Variants in CPM observed in about 807,000 individuals in gnomAD.
The protein encoded by CPM is carboxypeptidase M, also known as renal carboxypeptidase.
In CPM, 35 loss-of-function variants were observed where a neutral mutation model predicts 46.4. That is an observed-to-expected ratio of 0.75 (90% CI 0.58 to 1.00). The LOEUF is 1.00. Among genes scored for constraint, CPM ranks in the 50% least tolerant of loss-of-function variants. The pLI, the probability that CPM is intolerant of heterozygous loss-of-function variation, is 0.00. For synonymous variants in CPM, 195 were observed against 195.3 expected, an observed-to-expected ratio of 1.00 and a Z score of 0.01; for missense variants, 422 against 530.4, an observed-to-expected ratio of 0.80 and a Z score of 2.01.
In CPM at chr12:68,851,807, T is replaced by C. The variant is rs1884700691; in HGVS notation, c.*4630A>G. On this transcript the variant is annotated 3_prime_UTR_variant, in exon 9 of 9. Coordinates refer to ENST00000551568, the MANE Select transcript of CPM (RefSeq NM_198320.5). ...CAAACTTCTACTTTAGCTACAGTAC[T>C]GTGGACTTTCAATGCTCTTTAACTA... 1 of 152,222 alleles carries C rather than the reference T, an allele frequency of 6.6e-6. No individual in the cohort carries two copies. Among genetic ancestry groups the C allele is most frequent in the South Asian group, 2.1e-4 (1 of 4,830 alleles). The allele number at this position is 152,222 out of a possible 1,614,324, so 9.4% of individuals were successfully genotyped here.
intron 5 of CPM, 151 bp downstream of exon 5, chr12:68,870,064 G>A: frequency 1.4e-6 from 1 of 733,330 alleles, no homozygotes; most frequent in Admixed American, 3.3e-5. Flanking sequence ...AAGAATCACA[G>A]GAAGGATGGC....
At chr12:68,951,261 A>G (rs527561541) in intron 1 of CPM, among the ~76,000 whole-genome samples, 2 of 152,364 alleles carry the variant, frequency 1.3e-5, no homozygotes, top group African/African-American at 4.8e-5. Flanking sequence ...CTCAAACTTC[A>G]ACAGCATTCA....
intron 2 of CPM, among the ~76,000 whole-genome samples, chr12:68,902,396 G>A (rs140775903): frequency 6.6e-6 from 1 of 152,298 alleles, no homozygotes; most frequent in East Asian, 1.9e-4. Flanking sequence ...GATTTCTTCA[G>A]CTTATCAAAG....
intron 1 of CPM, among the ~76,000 whole-genome samples, chr12:68,946,978 T>G (rs1888858384): frequency 6.6e-6 from 1 of 152,208 alleles, no homozygotes; most frequent in South Asian, 2.1e-4. Context: ...ATTATTTTGG[T>G]CTTCTGTTTG....
At chr12:68,950,063 C>T (rs922806652) in intron 1 of CPM, among the ~76,000 whole-genome samples, 3 of 152,104 alleles carry the variant, frequency 2.0e-5, no homozygotes. Flanking sequence ...TTCACGTGCT[C>T]ATGCCTGGAG....
At chr12:68,896,523 G>A (rs1886882615) in intron 2 of CPM, among the ~76,000 whole-genome samples, 3 of 152,176 alleles carry the variant, frequency 2.0e-5, no homozygotes, top group African/African-American at 7.2e-5. Context: ...CTTGGAGTCC[G>A]AGTCACCTTT....
Position 68,884,527 on chromosome 12 carries a change from C to T in CPM, c.258+1265G>A, listed in dbSNP as rs186763826. 1.6e-4 allele frequency among the ~76,000 whole-genome samples: 25 copies of T among 152,276 alleles called. No individual in the cohort carries two copies. In the East Asian group the frequency reaches 4.8e-3, roughly 29 times the overall value. ...GCTTAAGCCAGAACAGGAAGCTCAG[C>T]ACTGATTAGAGCATGCCACCCATAC... On this transcript the variant is annotated intron_variant, in intron 3 of 8. Coordinates refer to ENST00000551568, the MANE Select transcript of CPM (RefSeq NM_198320.5).
intron 3 of CPM, among the ~76,000 whole-genome samples, chr12:68,880,681 G>A (rs1034685324): frequency 6.6e-6 from 1 of 152,204 alleles, no homozygotes; most frequent in African/African-American, 2.4e-5. Context: ...CACAGCTGGT[G>A]ACCAAGCATA....
chr12:68,871,593 C>T, intron 4 of CPM, 191 bp downstream of exon 4: 2 of 613,314 alleles, frequency 3.3e-6, no homozygotes, highest in African/African-American at 1.8e-5. Context: ...GGCAAAGTAG[C>T]CTTATTTGCA....
intron 1 of CPM, among the ~76,000 whole-genome samples, chr12:68,942,629 C>T (rs149757295): frequency 4.6e-5 from 7 of 152,288 alleles, no homozygotes; most frequent in African/African-American, 1.7e-4. Flanking sequence ...CGACTGTAAA[C>T]AAGACAGAAC....
At chr12:68,869,580 G>T in intron 5 of CPM, 85 bp from the exon 6 acceptor site, 1 of 1,203,036 alleles carries the variant, frequency 8.3e-7, no homozygotes, top group Non-Finnish European at 1.2e-6. Context: ...AGACATAATC[G>T]CATCACACAC....
At chr12:68,850,984 T>C (rs1484906858), downstream of CPM, among the ~76,000 whole-genome samples, 3 of 152,054 alleles carry the variant, frequency 2.0e-5, no homozygotes, top group Non-Finnish European at 2.9e-5. Flanking sequence ...ATATAACATA[T>C]AGCATATGTA....
At chr12:68,947,375 T>C (rs1302346885) in intron 1 of CPM, among the ~76,000 whole-genome samples, 1 of 152,118 alleles carries the variant, frequency 6.6e-6, no homozygotes, top group East Asian at 1.9e-4. Flanking sequence ...GACACATAGA[T>C]CACCTGAAAT....
chr12:68,877,067 C>G (rs143797086), intron 3 of CPM, among the ~76,000 whole-genome samples: 1 of 152,298 alleles, frequency 6.6e-6, no homozygotes, highest in African/African-American at 2.4e-5. Context: ...AGTTATTTGT[C>G]TGACCTGCCT....
chr12:68,889,721 C>T (rs915233939), intron 2 of CPM, among the ~76,000 whole-genome samples: 14 of 152,148 alleles, frequency 9.2e-5, no homozygotes, highest in African/African-American at 2.9e-4. Flanking sequence ...CCTAGCTACG[C>T]GGTATAAGAT....
chr12:68,927,489 G>A (rs866166790), intron 2 of CPM, among the ~76,000 whole-genome samples: 22 of 152,026 alleles, frequency 1.4e-4, no homozygotes, highest in Admixed American at 2.0e-4. Context: ...AGTAGGTTGC[G>A]AAAATTTTCT....
At chr12:68,901,995 A>G (rs1425077485) in intron 2 of CPM, among the ~76,000 whole-genome samples, 1 of 152,178 alleles carries the variant, frequency 6.6e-6, no homozygotes, top group Non-Finnish European at 1.5e-5. Flanking sequence ...ACTTTACTTA[A>G]TATGCATCAA....
At chr12:68,948,583 A>G (rs534818784) in intron 1 of CPM, among the ~76,000 whole-genome samples, 69 of 152,256 alleles carry the variant, frequency 4.5e-4, no homozygotes, top group African/African-American at 1.5e-3. Context: ...CTTGAACTGC[A>G]GAATTGGGTT....
intron 1 of CPM, among the ~76,000 whole-genome samples, chr12:68,962,363 C>G (rs1889137311): frequency 6.6e-6 from 1 of 152,118 alleles, no homozygotes; most frequent in African/African-American, 2.4e-5. Context: ...GCCTCAGAAG[C>G]AGCCTGAGAA....
Sources: allele counts gnomAD v4.1 joint callset (sites outside exome capture counted in the v4.1 genomes callset), GRCh38; gene constraint gnomAD v4.1.1; transcripts MANE v1.5; gene names NCBI Gene and HGNC (gene_info 2026-07-23, HGNC 2026-07-21).